The following CPNE8 variants were observed in gnomAD, a reference collection of about 807,000 sequenced individuals.
CPNE8 encodes the protein copine-8.
In CPNE8, 45 loss-of-function variants were observed where a neutral mutation model predicts 81.5. The observed-to-expected ratio is 0.55, with a 90% CI of 0.44 to 0.71. The LOEUF is 0.71. Among genes scored for constraint, CPNE8 ranks in the 30% least tolerant of loss-of-function variants. The probability of loss-of-function intolerance (pLI) is 0.00; values close to 1 mark genes in which losing one functional copy is unlikely to be tolerated. For synonymous variants in CPNE8, 252 were observed against 226.3 expected (o/e 1.11, Z -1.02); for missense variants, 594 against 672.1 (o/e 0.88, Z 1.28).
intron 6 of CPNE8, among the ~76,000 whole-genome samples, chr12:38,806,176 G>A (rs1242573367): frequency 6.7e-6 from 1 of 150,180 alleles, no homozygotes; most frequent in Non-Finnish European, 1.5e-5. Context: ...CCAGAGGCAT[G>A]AGGAGGAACT....
chr12:38,765,455 T>C (rs1941668514), intron 8 of CPNE8, among the ~76,000 whole-genome samples: 1 of 152,152 alleles, frequency 6.6e-6, no homozygotes, highest in Non-Finnish European at 1.5e-5. Flanking sequence ...AGATCATAAG[T>C]ATGAAGGCTT....
intron 6 of CPNE8, among the ~76,000 whole-genome samples, chr12:38,810,052 G>T (rs1445486790): frequency 6.6e-6 from 1 of 152,158 alleles, no homozygotes; most frequent in Non-Finnish European, 1.5e-5. Context: ...TAAAAGGGTA[G>T]CAAGAAATTG....
chr12:38,835,059 G>C (rs1170637132), intron 5 of CPNE8, among the ~76,000 whole-genome samples: 2 of 151,914 alleles, frequency 1.3e-5, no homozygotes, highest in Non-Finnish European at 2.9e-5. Context: ...TCTAATTTTT[G>C]TATTTTTAGT....
intron 10 of CPNE8, among the ~76,000 whole-genome samples, chr12:38,733,895 C>T (rs759082473): frequency 2.6e-5 from 4 of 151,882 alleles, no homozygotes; most frequent in African/African-American, 4.8e-5. Context: ...TACCTGAAAC[C>T]TGTAGGACAG....
intron 1 of CPNE8, among the ~76,000 whole-genome samples, chr12:38,889,157 T>C (rs1030363384): frequency 4.0e-5 from 6 of 151,748 alleles, no homozygotes; most frequent in African/African-American, 1.5e-4. Context: ...TTGGAGACCA[T>C]GATATGAACA....
intron 14 of CPNE8, among the ~76,000 whole-genome samples, chr12:38,694,884 T>A (rs1460259598): frequency 1.3e-5 from 2 of 152,174 alleles, no homozygotes; most frequent in Non-Finnish European, 2.9e-5. Flanking sequence ...CAAAAAGCAC[T>A]TGAGATCCAG....
intron 10 of CPNE8, among the ~76,000 whole-genome samples, chr12:38,740,748 T>C (rs1941079398): frequency 6.6e-6 from 1 of 152,208 alleles, no homozygotes; most frequent in Admixed American, 6.5e-5. Context: ...GCCCACTTGA[T>C]CATGGTGGAT....
At chr12:38,690,257 T>G (rs1006640991) in intron 15 of CPNE8, among the ~76,000 whole-genome samples, 1 of 152,206 alleles carries the variant, frequency 6.6e-6, no homozygotes, top group African/African-American at 2.4e-5. Flanking sequence ...TTTGTATTTG[T>G]CATTTTCAGT....
At chr12:38,826,662 T>C (rs1269553916) in intron 6 of CPNE8, among the ~76,000 whole-genome samples, 6 of 152,170 alleles carry the variant, frequency 3.9e-5, no homozygotes, top group Non-Finnish European at 7.3e-5. Context: ...AAGGACCATA[T>C]CTTATGCTAT....
intron 1 of CPNE8, among the ~76,000 whole-genome samples, chr12:38,901,054 C>G (rs1347071499): frequency 6.6e-6 from 1 of 152,122 alleles, no homozygotes; most frequent in Non-Finnish European, 1.5e-5. Context: ...AATCCCATCT[C>G]TACTAAAAAT....
rs200143611 is a variant in CPNE8, at chr12:38,670,712, A to G, written c.1506+17T>C. ...ATTTTCTAGCAATAGTAAAGTAGGAAAAGGTTTATTTCTTACCTGCACAAT... is the reference window on the plus strand; with the variant it reads ...ATTTTCTAGCAATAGTAAAGTAGGAGAAGGTTTATTTCTTACCTGCACAAT... On this transcript the variant is annotated intron_variant, in intron 19 of 19. Coordinates refer to ENST00000331366, the MANE Select transcript of CPNE8 (RefSeq NM_153634.3). 44 of 1,566,300 alleles carry G rather than the reference A, an allele frequency of 2.8e-5. No homozygotes were observed. The East Asian group carries it at 7.5e-4, about 27-fold the overall frequency.
At chr12:38,740,501 G>A (rs1472523784) in intron 10 of CPNE8, among the ~76,000 whole-genome samples, 2 of 152,112 alleles carry the variant, frequency 1.3e-5, no homozygotes, top group Non-Finnish European at 2.9e-5. Flanking sequence ...TCCAGTTTTT[G>A]CCCATTCAGT....
At chr12:38,700,878 T>A (rs139329710) in intron 14 of CPNE8, among the ~76,000 whole-genome samples, 8 of 152,258 alleles carry the variant, frequency 5.3e-5, no homozygotes, top group Non-Finnish European at 1.2e-4. Flanking sequence ...ATGTAAGACA[T>A]AACTTTGCTC....
chr12:38,784,200 G>T (rs1190593464), intron 6 of CPNE8, among the ~76,000 whole-genome samples: 1 of 152,090 alleles, frequency 6.6e-6, no homozygotes, highest in African/African-American at 2.4e-5. Flanking sequence ...AAAAATTCTG[G>T]AGCTAAAAAT....
chr12:38,854,013 A>G (rs1943687628), intron 3 of CPNE8, among the ~76,000 whole-genome samples: 1 of 152,122 alleles, frequency 6.6e-6, no homozygotes, highest in South Asian at 2.1e-4. Flanking sequence ...TTCAATTATT[A>G]TGTTATAATT....
At chr12:38,745,050 G>A (rs1486353) in intron 10 of CPNE8, among the ~76,000 whole-genome samples, 122,373 of 151,796 alleles carry the variant, frequency 0.81, 52,283 homozygotes, top group Middle Eastern at 0.97. Flanking sequence ...AAGTTTCTCG[G>A]AGATTCCAAA....
intron 13 of CPNE8, 36 bp downstream of exon 13, chr12:38,723,736 G>C (rs749413654): frequency 7.5e-7 from 1 of 1,329,996 alleles, no homozygotes; most frequent in Non-Finnish European, 1.1e-6. Flanking sequence ...TTTAGGAAAT[G>C]CCTAAGCAAC....
chr12:38,748,201 G>A (rs1207178335), intron 10 of CPNE8, among the ~76,000 whole-genome samples: 1 of 151,584 alleles, frequency 6.6e-6, no homozygotes, highest in African/African-American at 2.4e-5. Context: ...AGTAGAGATG[G>A]GGTTTTGCCA....
chr12:38,682,996 C>T (rs1320801938), intron 16 of CPNE8, among the ~76,000 whole-genome samples: 4 of 151,870 alleles, frequency 2.6e-5, no homozygotes, highest in Non-Finnish European at 5.9e-5. Flanking sequence ...ACTGGAAAGG[C>T]AAGAAATCAG....
Sources: gnomAD v4.1 joint callset for allele counts (sites outside exome capture counted in the v4.1 genomes callset) on GRCh38, gnomAD v4.1.1 for gene constraint, MANE v1.5 for transcripts, NCBI Gene and HGNC (gene_info 2026-07-23, HGNC 2026-07-21) for gene names.